The following MACROD2 variants were observed in gnomAD, a reference collection of about 807,000 sequenced individuals.
MACROD2 encodes ADP-ribose glycohydrolase MACROD2.
In MACROD2, 36 loss-of-function variants were observed where a neutral mutation model predicts 70.4. The ratio of observed to expected loss-of-function variants is 0.51; its 90% confidence interval spans 0.39 to 0.68. The LOEUF (loss-of-function observed/expected upper bound fraction) is 0.68, where lower values mean the gene tolerates loss of function less well. MACROD2 is among the 30% of genes least tolerant of loss of function. The pLI is 0.00. For synonymous variants in MACROD2, 172 were observed against 178.8 expected (o/e 0.96, Z 0.30); for missense variants, 496 against 538.4 (o/e 0.92, Z 0.78).
chr20:15,962,042 G>C (rs1041346560), intron 12 of MACROD2, among the ~76,000 whole-genome samples: 17 of 152,200 alleles, frequency 1.1e-4, no homozygotes, highest in Non-Finnish European at 2.9e-5. Flanking sequence ...TTTCCATCAT[G>C]GTCCAAACCA....
chr20:14,484,145 A>G (rs889463312), intron 3 of MACROD2, among the ~76,000 whole-genome samples: 3 of 152,202 alleles, frequency 2.0e-5, no homozygotes, highest in Non-Finnish European at 4.4e-5. Context: ...TCTCCAAGCT[A>G]TACTTATGCA....
chr20:14,372,091 C>T (rs1310008990), intron 3 of MACROD2, among the ~76,000 whole-genome samples: 1 of 152,140 alleles, frequency 6.6e-6, no homozygotes, highest in African/African-American at 2.4e-5. Flanking sequence ...TTTTGCTTAT[C>T]ATCATAATTC....
chr20:16,048,732 T>A (rs2067417860), intron 17 of MACROD2, among the ~76,000 whole-genome samples: 1 of 150,426 alleles, frequency 6.6e-6, no homozygotes, highest in Non-Finnish European at 1.5e-5. Flanking sequence ...TATAAAATGG[T>A]TCAGCCACTT....
chr20:15,467,027 C>T (rs1288448269), intron 7 of MACROD2, among the ~76,000 whole-genome samples: 2 of 152,182 alleles, frequency 1.3e-5, no homozygotes, highest in African/African-American at 4.8e-5. Flanking sequence ...CCATGGTCCT[C>T]CTGTCTATGC....
intron 8 of MACROD2, among the ~76,000 whole-genome samples, chr20:15,511,454 A>T (rs2047498351): frequency 6.6e-6 from 1 of 152,042 alleles, no homozygotes; most frequent in African/African-American, 2.4e-5. Context: ...TGGGGTCTTT[A>T]AAAAAAGGCC....
chr20:14,836,511 G>T (rs1368355718), intron 5 of MACROD2, among the ~76,000 whole-genome samples: 2 of 151,994 alleles, frequency 1.3e-5, no homozygotes, highest in Non-Finnish European at 2.9e-5. Flanking sequence ...TTAATGAAGG[G>T]CTCTGCATAT....
chr20:14,219,738 T>G (rs918902093), intron 3 of MACROD2, among the ~76,000 whole-genome samples: 20 of 152,310 alleles, frequency 1.3e-4, no homozygotes, highest in African/African-American at 4.8e-4. Flanking sequence ...TGTAGTACTC[T>G]CCCCCTTTTC....
At chr20:15,245,845 T>G (rs2077100545) in intron 6 of MACROD2, among the ~76,000 whole-genome samples, 1 of 152,222 alleles carries the variant, frequency 6.6e-6, no homozygotes, top group African/African-American at 2.4e-5. Context: ...TTTATCGGGA[T>G]GTAGTTTTAT....
intron 5 of MACROD2, among the ~76,000 whole-genome samples, chr20:14,898,524 C>T (rs1264611219): frequency 3.3e-5 from 5 of 152,050 alleles, no homozygotes; most frequent in Admixed American, 6.5e-5. Context: ...GCCAGGAGTT[C>T]GAGACCAGCC....
intron 5 of MACROD2, among the ~76,000 whole-genome samples, chr20:15,088,410 T>A (rs1158889699): frequency 2.0e-4 from 1 of 5,082 alleles, no homozygotes; most frequent in African/African-American, 4.7e-4. Flanking sequence ...TATATATATA[T>A]ATATATATAT....
At chr20:14,632,779 A>G (rs183929474) in intron 4 of MACROD2, among the ~76,000 whole-genome samples, 1 of 152,362 alleles carries the variant, frequency 6.6e-6, no homozygotes, top group East Asian at 1.9e-4. Flanking sequence ...GTGACAAAAA[A>G]TGATCTCTTA....
chr20:14,478,725 A>G (rs1035279059), intron 3 of MACROD2, among the ~76,000 whole-genome samples: 4 of 152,072 alleles, frequency 2.6e-5, no homozygotes, highest in Non-Finnish European at 4.4e-5. Flanking sequence ...TCTGGGTCCT[A>G]TTTAAATCCC....
chr20:14,232,813 T>C (rs1038756274), intron 3 of MACROD2, among the ~76,000 whole-genome samples: 11 of 152,376 alleles, frequency 7.2e-5, no homozygotes, highest in Non-Finnish European at 1.3e-4. Context: ...CCTTTGCATT[T>C]ACAATTCAGC....
chr20:14,180,920 A>G (rs982967231), intron 3 of MACROD2, among the ~76,000 whole-genome samples: 5 of 151,330 alleles, frequency 3.3e-5, no homozygotes, highest in Non-Finnish European at 7.4e-5. Flanking sequence ...TAATTTAGTA[A>G]GGATATATGT....
At chr20:14,081,023 C>G (rs984158525) in intron 2 of MACROD2, among the ~76,000 whole-genome samples, 6 of 152,306 alleles carry the variant, frequency 3.9e-5, no homozygotes, top group African/African-American at 1.4e-4. Context: ...GCAGGTTTCT[C>G]TAAGCCTTTT....
intron 8 of MACROD2, among the ~76,000 whole-genome samples, chr20:15,697,958 G>A (rs2050399930): frequency 6.6e-6 from 1 of 152,098 alleles, no homozygotes; most frequent in Admixed American, 6.5e-5. Context: ...TTATGTGTTA[G>A]GTGAGTCTCC....
intron 5 of MACROD2, among the ~76,000 whole-genome samples, chr20:15,084,059 G>GTTTTTTTTTTTTTTT (rs5840650): frequency 1.8e-5 from 2 of 110,552 alleles, no homozygotes; most frequent in African/African-American, 4.5e-5. Flanking sequence ...GCAACACTAG[G>GTTTTTTTTTTTTTTT]TTTTTTTTTT....
intron 5 of MACROD2, among the ~76,000 whole-genome samples, chr20:15,119,707 A>T (rs2076017102): frequency 6.6e-6 from 1 of 152,234 alleles, no homozygotes; most frequent in Non-Finnish European, 1.5e-5. Context: ...AATAAATGAC[A>T]TGTTCTGATA....
rs181575694 is a variant in MACROD2, at chr20:15,824,389, T to C, written c.646-38356T>C. Among the ~76,000 whole-genome samples, 390 of 152,306 alleles carry C rather than the reference T, an allele frequency of 2.6e-3. 2 individuals carry two copies. The highest frequency in any genetic ancestry group is 9.0e-3 in the African/African-American group (374 of 41,554). On this transcript the variant is annotated intron_variant, in intron 8 of 17. Coordinates refer to ENST00000684519, the MANE Select transcript of MACROD2 (RefSeq NM_001351661.2). ...TTTTACCTTGCCAGTGTATATTTCA[T>C]TGGAAAAGTCTATAGGCTCTTGTAG...
Sources: allele counts gnomAD v4.1 joint callset (sites outside exome capture counted in the v4.1 genomes callset), GRCh38; gene constraint gnomAD v4.1.1; transcripts MANE v1.5; gene names NCBI Gene and HGNC (gene_info 2026-07-23, HGNC 2026-07-21).